Variants in LRRC74B observed in about 807,000 individuals in gnomAD.
LRRC74B encodes leucine-rich repeat-containing protein 74B.
LRRC74B carries 30 observed loss-of-function variants against 16.6 expected under a neutral mutation model. The observed-to-expected ratio is 1.80, with a 90% CI of 1.35 to 2.45. The LOEUF is 2.45. Among genes scored for constraint, LRRC74B ranks in the 30% most tolerant of loss-of-function variants. The pLI is 0.00. For missense variants in LRRC74B, 326 were observed against 202.4 expected, an observed-to-expected ratio of 1.61 and a Z score of -3.71; for synonymous variants, 134 against 86.0, an observed-to-expected ratio of 1.56 and a Z score of -3.09.
intron 7 of LRRC74B, 149 bp downstream of exon 7, chr22:21,055,325 C>T (rs532817723): frequency 3.3e-6 from 2 of 606,602 alleles, no homozygotes; most frequent in Non-Finnish European, 6.0e-6. Context: ...GAATCTGGGG[C>T]CTGGCCCTCC....
At chr22:21,049,793 G>A (rs921423567) in intron 4 of LRRC74B, among the ~76,000 whole-genome samples, 2 of 152,086 alleles carry the variant, frequency 1.3e-5, no homozygotes, top group African/African-American at 4.8e-5. Context: ...TTCAAGTGAG[G>A]TAGCGGATGT....
chr22:21,047,869 CTCTG>C lies in LRRC74B; in HGVS notation c.283-8_283-5del. 1.4e-6 allele frequency: 1 copy of C among 716,970 alleles called. No individual in the cohort carries two copies. Among genetic ancestry groups the C allele is most frequent in the Non-Finnish European group, 2.6e-6 (1 of 384,978 alleles). 44.4% of individuals were successfully genotyped at this position (716,970 alleles called of 1,614,324 possible). On this transcript the variant is annotated splice_polypyrimidine_tract_variant and intron_variant, in intron 2 of 8. Coordinates refer to ENST00000442047, the Ensembl canonical transcript of LRRC74B. Reference sequence around the variant, plus strand: ...GCCAGGATAGTGGCCAGTGTGTTTGCTCTGTCTGTCCCAGGGCGCCCGGGCTCTG... The same window carrying C: ...GCCAGGATAGTGGCCAGTGTGTTTGCTCTGTCCCAGGGCGCCCGGGCTCTG...
downstream of LRRC74B, chr22:21,060,697 C>G (rs1275202215): frequency 5.5e-6 from 3 of 550,026 alleles, no homozygotes; most frequent in African/African-American, 5.7e-5. Context: ...CTGTGCCCCA[C>G]GGACCCTGCA....
rs1929611971 is a variant in LRRC74B at position 21,047,906 on chromosome 22, C to A, written c.305C>A (p.Ser102Ter). ...CAGGGCGCCCGGGCTCTGGCTTCCT[C>A]ATTGAGCTCCAATCCATATGTCAAG... is the stretch of plus-strand genomic sequence containing the variant. The change falls in exon 3 of 9, where the codon TCA (serine) becomes TAA (stop). Residue 102 changes from serine to a stop codon, truncating the protein, a stop_gained. Coordinates refer to ENST00000442047, the Ensembl canonical transcript of LRRC74B. LOFTEE classifies it high-confidence loss of function. 1.4e-6 allele frequency: 1 copy of A among 717,316 alleles called. No individual in the cohort carries two copies. The highest frequency in any genetic ancestry group is 2.6e-6 in the Non-Finnish European group (1 of 385,084). The allele number at this position is 717,316 out of a possible 1,614,324, so 44.4% of individuals were successfully genotyped here. A position where few individuals can be genotyped will look rare whatever the true frequency, so the allele number is the denominator to read the frequency against.
At chr22:21,057,887 AT>A (rs4051931) in intron 8 of LRRC74B, among the ~76,000 whole-genome samples, 390 of 122,002 alleles carry the variant, frequency 3.2e-3, no homozygotes, top group East Asian at 6.1e-3. Flanking sequence ...GTCAATTTTG[AT>A]TTTTTTTTTT....
At chr22:21,050,669 A>G (rs886384153) in intron 4 of LRRC74B, among the ~76,000 whole-genome samples, 1 of 150,798 alleles carries the variant, frequency 6.6e-6, no homozygotes, top group Non-Finnish European at 1.5e-5. Flanking sequence ...TCCCAGCTAC[A>G]TGGGAGGCTG....
chr22:21,061,591 G>A (rs1298684153), downstream of LRRC74B: 1 of 152,202 alleles, frequency 6.6e-6, no homozygotes, highest in African/African-American at 2.4e-5. Context: ...GAGCTCAGGA[G>A]TTGGAGACCA....
chr22:21,052,498 A>G, intron 5 of LRRC74B, 140 bp downstream of exon 5: 1 of 616,326 alleles, frequency 1.6e-6, no homozygotes, highest in Non-Finnish European at 2.9e-6. Flanking sequence ...TCTTTAGGTG[A>G]TTTTAATTTT....
At chr22:21,060,669 A>G, downstream of LRRC74B, 1 of 587,108 alleles carries the variant, frequency 1.7e-6, no homozygotes. Context: ...CACGGTGCTC[A>G]CACACCTGTA....
At position 21,060,473 on chromosome 22, in the gene LRRC74B, A is replaced by C. The variant is rs1199361063; in HGVS notation, c.1124A>C (p.Lys375Thr). 3 of 716,538 alleles carry C rather than the reference A, an allele frequency of 4.2e-6. No individual in the cohort carries two copies. In the African/African-American group the frequency reaches 5.2e-5, roughly 13 times the overall value. The allele number at this position is 716,538 out of a possible 1,614,324, so 44.4% of individuals were successfully genotyped here. ...ACTGGCGCTTGCAGAGTGGAGTATA[A>C]AAAGGAGTTGCTGCCAGTCTTCAGA... The change falls in exon 9 of 9, where the codon AAA becomes ACA. Residue 375 changes from lysine (K) to threonine (T), a missense_variant. By Grantham distance (78) the Lys-to-Thr change is moderately conservative. Transcript: ENST00000442047.
chr22:21,058,991 G>A lies in LRRC74B; in HGVS notation c.1024-1382G>A, dbSNP rs113419158. Among the ~76,000 whole-genome samples, 799 of 152,278 alleles carry A rather than the reference G, an allele frequency of 5.2e-3. 10 individuals carry two copies. Among genetic ancestry groups the A allele is most frequent in the African/African-American group, 0.018 (761 of 41,546 alleles). ...GCCTGGGATGGGCATGATGGTTCACGCCTATAACCCCAGGACCTCGGGAGG... is the reference window on the plus strand; with the variant it reads ...GCCTGGGATGGGCATGATGGTTCACACCTATAACCCCAGGACCTCGGGAGG... On this transcript the variant is annotated intron_variant, in intron 8 of 8. Transcript: ENST00000442047.
intron 2 of LRRC74B, 55 bp downstream of exon 2, chr22:21,047,553 G>A: frequency 7.1e-6 from 5 of 703,730 alleles, no homozygotes; most frequent in South Asian, 4.6e-5. Flanking sequence ...TCGGGAGACA[G>A]CAGCCATGGG....
chr22:21,050,121 C>G (rs1486485940), intron 4 of LRRC74B, among the ~76,000 whole-genome samples: 1 of 152,136 alleles, frequency 6.6e-6, no homozygotes, highest in Non-Finnish European at 1.5e-5. Context: ...ACTGCAGCCT[C>G]TGCCTCCCAG....
chr22:21,046,140 G>A lies in LRRC74B; in HGVS notation c.139+15G>A. 1.4e-6 allele frequency: 1 copy of A among 715,910 alleles called. No homozygotes were observed. The highest frequency in any genetic ancestry group is 2.6e-6 in the Non-Finnish European group (1 of 385,000). 44.3% of individuals were successfully genotyped at this position (715,910 alleles called of 1,614,324 possible). A position where few individuals can be genotyped will look rare whatever the true frequency, so the allele number is the denominator to read the frequency against. On this transcript the variant is annotated intron_variant, in intron 1 of 8. Coordinates refer to ENST00000442047, the Ensembl canonical transcript of LRRC74B. ...GGAGACGGAAGGTGCTCGGGGGAGG[G>A]GGCAGGCCCGACTCCTCCCCTTTGG...
intron 8 of LRRC74B, among the ~76,000 whole-genome samples, chr22:21,057,823 G>T (rs375537504): frequency 1.4e-5 from 2 of 146,068 alleles, no homozygotes; most frequent in African/African-American, 5.1e-5. Flanking sequence ...TGCCCAGGCT[G>T]GTTGCAAACT....
intron 8 of LRRC74B, among the ~76,000 whole-genome samples, chr22:21,059,426 G>A (rs923854441): frequency 1.4e-4 from 21 of 152,110 alleles, no homozygotes; most frequent in African/African-American, 5.1e-4. Flanking sequence ...GCTGGATGTG[G>A]TGGTGCTCAC....
In LRRC74B at chr22:21,052,440, T is replaced by A. The variant is rs115502510; in HGVS notation, c.732+82T>A. On this transcript the variant is annotated intron_variant, in intron 5 of 8. Transcript: ENST00000442047. ...GGGGCCACCTCCCTGTCTCTGCAGCTCCTCGGAAATGAACCTTGGATCTTT... is the reference window on the plus strand; with the variant it reads ...GGGGCCACCTCCCTGTCTCTGCAGCACCTCGGAAATGAACCTTGGATCTTT... The A allele has an allele frequency of 1.4e-4, 98 of 699,996 alleles. No homozygotes were observed. In the African/African-American group the frequency reaches 1.6e-3, roughly 11 times the overall value. The allele number at this position is 699,996 out of a possible 1,614,324, so 43.4% of individuals were successfully genotyped here.
At chr22:21,060,002 A>C (rs1175689748) in intron 8 of LRRC74B, among the ~76,000 whole-genome samples, 2 of 151,734 alleles carry the variant, frequency 1.3e-5, no homozygotes, top group Non-Finnish European at 2.9e-5. Flanking sequence ...CAGCCCCCAG[A>C]TCTGGAAATA....
At position 21,054,493 on chromosome 22, in the gene LRRC74B, G is replaced by T. The variant is rs75832001; in HGVS notation, c.849-605G>T. Among the ~76,000 whole-genome samples the T allele has an allele frequency of 2.4e-3, 360 of 152,370 alleles. 2 individuals are homozygous for T. Among genetic ancestry groups the T allele is most frequent in the African/African-American group, 8.2e-3 (340 of 41,596 alleles). ...GGGAGGTCACGGGCCAGAGGCCAGG[G>T]AGGTCATGGGCTGCTGTGGCTGAGA... On this transcript the variant is annotated intron_variant, in intron 6 of 8. Coordinates refer to ENST00000442047, the Ensembl canonical transcript of LRRC74B.
Sources: allele counts gnomAD v4.1 joint callset (sites outside exome capture counted in the v4.1 genomes callset), GRCh38; gene constraint gnomAD v4.1.1; transcripts MANE v1.5; gene names NCBI Gene and HGNC (gene_info 2026-07-23, HGNC 2026-07-21).